SAMD3: variants seen among roughly 807,000 people sequenced by gnomAD.
The protein encoded by SAMD3 is sterile alpha motif domain-containing protein 3.
SAMD3 carries 63 observed loss-of-function variants against 58.5 expected under a neutral mutation model. The observed-to-expected ratio is 1.08, with a 90% CI of 0.88 to 1.33. SAMD3 has a LOEUF of 1.33. SAMD3 is among the 40% of genes most tolerant of loss of function. The pLI, the probability that SAMD3 is intolerant of heterozygous loss-of-function variation, is 0.00. For missense variants in SAMD3, 604 were observed against 608.4 expected (o/e 0.99, Z 0.08); for synonymous variants, 220 against 210.3 (o/e 1.05, Z -0.40).
At chr6:130,168,099 G>A (rs35232434) in intron 8 of SAMD3, among the ~76,000 whole-genome samples, 6,237 of 152,252 alleles carry the variant, frequency 0.041, 171 homozygotes, top group Non-Finnish European at 0.06. Flanking sequence ...AAGTTCTGCA[G>A]CTGCCTGGTC....
intron 1 of SAMD3, among the ~76,000 whole-genome samples, chr6:130,346,775 T>G (rs930843250): frequency 1.3e-5 from 2 of 152,218 alleles, no homozygotes; most frequent in African/African-American, 4.8e-5. Flanking sequence ...ACGGACAGAC[T>G]GTCTCCTCAA....
chr6:130,218,675 G>A (rs1796101881), intron 1 of SAMD3, among the ~76,000 whole-genome samples: 1 of 152,174 alleles, frequency 6.6e-6, no homozygotes, highest in African/African-American at 2.4e-5. Flanking sequence ...GCTTTAGAAA[G>A]CACTCTGGGG....
At chr6:130,330,904 C>T (rs915455895) in intron 1 of SAMD3, among the ~76,000 whole-genome samples, 1 of 152,180 alleles carries the variant, frequency 6.6e-6, no homozygotes, top group Non-Finnish European at 1.5e-5. Flanking sequence ...TCTTAAGAAT[C>T]TGAAAATCAG....
At chr6:130,182,064 CAA>C (rs61173557) in intron 7 of SAMD3, among the ~76,000 whole-genome samples, 5 of 54,954 alleles carry the variant, frequency 9.1e-5, no homozygotes, top group African/African-American at 3.0e-4. Context: ...GACTCTGTCT[CAA>C]AAAAAAAAAA....
intron 8 of SAMD3, among the ~76,000 whole-genome samples, chr6:130,157,602 C>T (rs964339974): frequency 7.9e-5 from 12 of 152,180 alleles, no homozygotes; most frequent in African/African-American, 2.7e-4. Context: ...GTTGGGATTA[C>T]AGGCATGAGC....
intron 2 of SAMD3, among the ~76,000 whole-genome samples, chr6:130,302,511 C>T (rs1775784714): frequency 6.6e-6 from 1 of 152,224 alleles, no homozygotes; most frequent in South Asian, 2.1e-4. Flanking sequence ...TTATGGAAAA[C>T]AGTATTGAGA....
rs781311803 is a variant in SAMD3, at chr6:130,146,010, A to G, written c.1195T>C (p.Tyr399His). The G allele has an allele frequency of 6.7e-7, 1 of 1,498,180 alleles. No homozygotes were observed. The highest frequency in any genetic ancestry group is 8.9e-7 in the Non-Finnish European group (1 of 1,123,578). 92.8% of individuals were successfully genotyped at this position (1,498,180 alleles called of 1,614,324 possible). The change falls in exon 10 of 12, where the codon TAC (tyrosine) becomes CAC (histidine). Residue 399 changes from tyrosine (Y) to histidine (H), a missense_variant and splice_region_variant. Tyr to His is a moderately conservative substitution (Grantham distance 83). Transcript: ENST00000439090. Reference protein sequence around the residue: ...KHYTDEDMLKYMKMTATCLLL... With the variant: ...KHYTDEDMLKHMKMTATCLLL... ...ACACCACTCCATAAGGTTTACTAAC[A>G]TTTCAACATGTCTTCATCTGTGTAA...
At chr6:130,210,350 G>C (rs912165270) in intron 4 of SAMD3, among the ~76,000 whole-genome samples, 1 of 152,138 alleles carries the variant, frequency 6.6e-6, no homozygotes, top group Non-Finnish European at 1.5e-5. Flanking sequence ...TGTAATCCCA[G>C]CATTTTGGGA....
chr6:130,285,618 C>A (rs376015653), intron 2 of SAMD3, among the ~76,000 whole-genome samples: 10 of 152,186 alleles, frequency 6.6e-5, no homozygotes, highest in Non-Finnish European at 1.3e-4. Flanking sequence ...GCCAACTAAT[C>A]CAGAAACTCA....
At chr6:130,359,731 G>T (rs891299669) in intron 1 of SAMD3, among the ~76,000 whole-genome samples, 2 of 152,190 alleles carry the variant, frequency 1.3e-5, no homozygotes, top group Non-Finnish European at 2.9e-5. Context: ...AATACATTAT[G>T]TGAATGCTTT....
chr6:130,145,295 G>T (rs1788521313), intron 11 of SAMD3, 45 bp downstream of exon 11: 2 of 873,702 alleles, frequency 2.3e-6, no homozygotes, highest in Non-Finnish European at 3.5e-6. Context: ...ATAATCGCAT[G>T]AAGATGTAAA....
intron 2 of SAMD3, among the ~76,000 whole-genome samples, chr6:130,297,913 G>A (rs1006130738): frequency 6.6e-6 from 1 of 152,098 alleles, no homozygotes; most frequent in East Asian, 1.9e-4. Context: ...ACTGACATTG[G>A]CATTCCTGAG....
intron 7 of SAMD3, among the ~76,000 whole-genome samples, chr6:130,178,700 A>G (rs912784130): frequency 6.6e-6 from 1 of 152,234 alleles, no homozygotes; most frequent in African/African-American, 2.4e-5. Context: ...TAGTTTCTTC[A>G]ACTATAAAAC....
At chr6:130,207,791 C>T (rs1419771915) in intron 5 of SAMD3, among the ~76,000 whole-genome samples, 1 of 152,228 alleles carries the variant, frequency 6.6e-6, no homozygotes, top group African/African-American at 2.4e-5. Context: ...TGGGCCCTAA[C>T]ACTGGGAGAT....
chr6:130,221,949 C>T (rs1003613547), intron 1 of SAMD3, among the ~76,000 whole-genome samples: 2 of 152,178 alleles, frequency 1.3e-5, no homozygotes, highest in Non-Finnish European at 2.9e-5. Flanking sequence ...ATACCATCTT[C>T]ATTTATTCCA....
intron 8 of SAMD3, among the ~76,000 whole-genome samples, chr6:130,158,698 A>G (rs1215242618): frequency 6.6e-6 from 1 of 152,228 alleles, no homozygotes; most frequent in African/African-American, 2.4e-5. Context: ...CATGAAATAA[A>G]GAAGCAACAA....
At chr6:130,308,998 G>A (rs928200330) in intron 2 of SAMD3, among the ~76,000 whole-genome samples, 5 of 152,134 alleles carry the variant, frequency 3.3e-5, no homozygotes, top group African/African-American at 1.2e-4. Flanking sequence ...CCAAGTTGGT[G>A]AATGGCAAAA....
intron 1 of SAMD3, among the ~76,000 whole-genome samples, chr6:130,219,625 G>A (rs1796137980): frequency 6.6e-6 from 1 of 152,080 alleles, no homozygotes; most frequent in Admixed American, 6.6e-5. Context: ...TAGAATAATA[G>A]TCTCCAATCT....
At chr6:130,143,835 C>CAGAT (rs2114531105), downstream of SAMD3, 1 of 152,406 alleles carries the variant, frequency 6.6e-6, no homozygotes, top group East Asian at 1.9e-4. Context: ...AAGAGCAGAA[C>CAGAT]AGATAGAACT....
Sources: allele counts gnomAD v4.1 joint callset (sites outside exome capture counted in the v4.1 genomes callset), GRCh38; gene constraint gnomAD v4.1.1; transcripts MANE v1.5; gene names NCBI Gene and HGNC (gene_info 2026-07-23, HGNC 2026-07-21).